The following RBM45 variants were observed in gnomAD, a reference collection of about 807,000 sequenced individuals.
RBM45 encodes RNA-binding protein 45.
A neutral mutation model predicts 58.5 loss-of-function variants in RBM45; 39 were observed. That is an observed-to-expected ratio of 0.67 (90% CI 0.52 to 0.87). The LOEUF (loss-of-function observed/expected upper bound fraction) is 0.87, where lower values mean the gene tolerates loss of function less well. Among genes scored for constraint, RBM45 ranks in the 40% least tolerant of loss-of-function variants. RBM45 has a pLI of 0.00. For missense variants in RBM45, 481 were observed against 581.6 expected (o/e 0.83, Z 1.78); for synonymous variants, 193 against 203.0 (o/e 0.95, Z 0.42).
chr2:178,127,945 G>C (rs2087954412), intron 9 of RBM45, among the ~76,000 whole-genome samples: 1 of 149,996 alleles, frequency 6.7e-6, no homozygotes, highest in Non-Finnish European at 1.5e-5. Context: ...GAGAATATTG[G>C]GCTTAAAATA....
intron 9 of RBM45, among the ~76,000 whole-genome samples, chr2:178,128,168 G>A (rs2087959429): frequency 6.6e-6 from 1 of 151,804 alleles, no homozygotes; most frequent in South Asian, 2.1e-4. Context: ...ACCATGCCCA[G>A]GTAATTTTTT....
At position 178,118,148 on chromosome 2, in the gene RBM45, C is replaced by T. The variant is rs187557274; in HGVS notation, c.517C>T (p.Gln173Ter). The change falls in exon 3 of 10, where the codon CAA becomes TAA. Residue 173 changes from glutamine (Q) to a stop codon, truncating the protein, a stop_gained. Coordinates refer to ENST00000286070, the MANE Select transcript of RBM45 (RefSeq NM_152945.4). LOFTEE classifies it high-confidence loss of function. Reference sequence around the variant, plus strand: ...CTACGTACGATACTTAAAACCATCACAAGCTGCCCAAGCAATAGAAAACTG... The same window carrying T: ...CTACGTACGATACTTAAAACCATCATAAGCTGCCCAAGCAATAGAAAACTG... ...LGYVRYLKPSQAAQAIENCDR... is the reference protein window; with the variant it reads ...LGYVRYLKPS 56 of 1,612,326 alleles carry T rather than the reference C, an allele frequency of 3.5e-5. No individual in the cohort carries two copies. Among genetic ancestry groups the T allele is most frequent in the Non-Finnish European group, 2.5e-6 (3 of 1,178,966 alleles).
downstream of RBM45, among the ~76,000 whole-genome samples, chr2:178,133,330 A>G (rs2088020105): frequency 6.6e-6 from 1 of 152,132 alleles, no homozygotes; most frequent in African/African-American, 2.4e-5. Flanking sequence ...TTTTATTTAC[A>G]TTTATTTTTA....
intron 3 of RBM45, 47 bp from the exon 4 acceptor site, chr2:178,120,240 G>T: frequency 6.2e-7 from 1 of 1,609,462 alleles, no homozygotes; most frequent in Non-Finnish European, 8.5e-7. Flanking sequence ...ATATTTGCAG[G>T]TATGTTAAAT....
intron 9 of RBM45, 109 bp downstream of exon 9, chr2:178,126,293 TTAA>T (rs2087928685): frequency 1.7e-6 from 1 of 572,312 alleles, no homozygotes; most frequent in Admixed American, 3.8e-5. Context: ...AAGTTGTCAG[TTAA>T]AAGAGCTTTG....
At chr2:178,114,443 T>C (rs1327864565) in intron 1 of RBM45, among the ~76,000 whole-genome samples, 1 of 152,218 alleles carries the variant, frequency 6.6e-6, no homozygotes, top group Non-Finnish European at 1.5e-5. Context: ...CACCGAAATG[T>C]ACCCTCTCTT....
intron 3 of RBM45, among the ~76,000 whole-genome samples, chr2:178,135,945 T>C (rs1044536283): frequency 1.3e-5 from 2 of 152,196 alleles, no homozygotes; most frequent in Admixed American, 6.5e-5. Flanking sequence ...AGAAATTCAG[T>C]AGAATCCCAG....
downstream of RBM45, among the ~76,000 whole-genome samples, chr2:178,131,026 G>A (rs1430568050): frequency 6.6e-6 from 1 of 152,224 alleles, no homozygotes; most frequent in East Asian, 1.9e-4. Flanking sequence ...AGGAGTGCCA[G>A]AGCCCAGGAG....
chr2:178,121,073 G>T, intron 4 of RBM45, 107 bp from the exon 5 acceptor site: 1 of 518,036 alleles, frequency 1.9e-6, no homozygotes, highest in Non-Finnish European at 3.4e-6. Flanking sequence ...ACAAAATACA[G>T]TGCCTTTATT....
At chr2:178,114,391 C>T (rs1246395157) in intron 1 of RBM45, among the ~76,000 whole-genome samples, 2 of 152,138 alleles carry the variant, frequency 1.3e-5, no homozygotes, top group Admixed American at 1.3e-4. Flanking sequence ...TGATGGACCA[C>T]CTTCCCCTGA....
chr2:178,119,687 A>G (rs1448197325), intron 3 of RBM45, among the ~76,000 whole-genome samples: 1 of 152,238 alleles, frequency 6.6e-6, no homozygotes. Flanking sequence ...AAGAAAACTG[A>G]ACCCTTGAAA....
At position 178,118,070 on chromosome 2, in the gene RBM45, G is replaced by A; in HGVS notation, c.439G>A (p.Glu147Lys). 1 of 1,609,922 alleles carries A rather than the reference G, an allele frequency of 6.2e-7. No individual in the cohort carries two copies. The highest frequency in any genetic ancestry group is 8.5e-7 in the Non-Finnish European group (1 of 1,177,512). The change falls in exon 3 of 10, where the codon GAG becomes AAG. Residue 147 changes from glutamate to lysine, a missense_variant. Physicochemically the swap from Glu to Lys is moderately conservative, Grantham distance 56. Transcript: ENST00000286070. ...REKFKVYGDIEYCSIIKNKVT... is the reference protein window; with the variant it reads ...REKFKVYGDIKYCSIIKNKVT... ...ACTCTCTTAGGTGTATGGAGATATC[G>A]AGTATTGCAGCATTATTAAGAATAA...
intron 5 of RBM45, 132 bp from the exon 6 acceptor site, chr2:178,123,390 C>A: frequency 1.2e-6 from 1 of 832,060 alleles, no homozygotes; most frequent in Non-Finnish European, 1.8e-6. Flanking sequence ...TTTTCTGATA[C>A]ATTCGATTCT....
chr2:178,120,296 C>G lies in RBM45; in HGVS notation c.560C>G (p.Ala187Gly). 1.2e-6 allele frequency: 2 copies of G among 1,612,356 alleles called. No homozygotes were observed. The highest frequency in any genetic ancestry group is 4.5e-5 in the East Asian group (2 of 44,772). ...CATGGGGTTTTTTCAGGTTTTAGAG[C>G]AATCTTGGCTGAACCTAAAAATAAA... ...AIENCDRSFR[A>G]ILAEPKNKAS... The change falls in exon 4 of 10, where the codon GCA becomes GGA. Residue 187 changes from alanine (A) to glycine (G), a missense_variant. Ala to Gly is a moderately conservative substitution (Grantham distance 60). Transcript: ENST00000286070.
At chr2:178,118,321 C>A in intron 3 of RBM45, 140 bp downstream of exon 3, 1 of 816,552 alleles carries the variant, frequency 1.2e-6, no homozygotes, top group Admixed American at 3.2e-5. Flanking sequence ...ATTTACAGTC[C>A]AAGGAAGAAA....
chr2:178,127,595 A>C (rs1349093853), intron 9 of RBM45, among the ~76,000 whole-genome samples: 1 of 152,186 alleles, frequency 6.6e-6, no homozygotes, highest in Admixed American at 6.5e-5. Flanking sequence ...TGTTTTATTA[A>C]ATGACAAAAC....
At chr2:178,123,992 T>C (rs1322683901) in intron 7 of RBM45, 80 bp downstream of exon 7, 3 of 1,505,874 alleles carry the variant, frequency 2.0e-6, no homozygotes, top group Non-Finnish European at 1.8e-6. Flanking sequence ...GCTTTGTTGA[T>C]TATCTGTGTA....
At chr2:178,134,777 AG>A (rs888341456) in intron 3 of RBM45, among the ~76,000 whole-genome samples, 3 of 152,102 alleles carry the variant, frequency 2.0e-5, no homozygotes, top group Non-Finnish European at 4.4e-5. Context: ...GGATCACTTG[AG>A]GTCAGGAGTT....
intron 3 of RBM45, among the ~76,000 whole-genome samples, chr2:178,119,249 G>C (rs1393482483): frequency 6.6e-6 from 1 of 152,198 alleles, no homozygotes; most frequent in African/African-American, 2.4e-5. Context: ...GTTCATAAGT[G>C]TATGGTAGAG....
Sources: allele counts gnomAD v4.1 joint callset (sites outside exome capture counted in the v4.1 genomes callset), GRCh38; gene constraint gnomAD v4.1.1; transcripts MANE v1.5; gene names NCBI Gene and HGNC (gene_info 2026-07-23, HGNC 2026-07-21).